Variants in CSMD1 observed in about 807,000 individuals in gnomAD.
CSMD1 encodes CUB and sushi domain-containing protein 1.
In CSMD1, 213 loss-of-function variants were observed where a neutral mutation model predicts 417.5. The ratio of observed to expected loss-of-function variants is 0.51; its 90% confidence interval spans 0.46 to 0.57. The LOEUF (loss-of-function observed/expected upper bound fraction) is 0.57. Among genes scored for constraint, CSMD1 ranks in the 20% least tolerant of loss-of-function variants. The pLI is 0.00. For synonymous variants in CSMD1, 2,862 were observed against 1,736.8 expected (o/e 1.65, Z -16.11); for missense variants, 6,923 against 4,529.7 (o/e 1.53, Z -15.17).
intron 1 of CSMD1, among the ~76,000 whole-genome samples, chr8:4,750,388 C>G (rs539105519): frequency 1.3e-5 from 2 of 152,238 alleles, no homozygotes; most frequent in Non-Finnish European, 2.9e-5. Flanking sequence ...TTAGGGTTAT[C>G]AAGATTCAAT....
At chr8:3,815,150 A>T (rs1415048167) in intron 5 of CSMD1, among the ~76,000 whole-genome samples, 3 of 152,190 alleles carry the variant, frequency 2.0e-5, no homozygotes, top group African/African-American at 7.2e-5. Context: ...TCTCCCAGAT[A>T]TAGGGTGAGA....
At chr8:4,247,802 C>T (rs1191312320) in intron 3 of CSMD1, among the ~76,000 whole-genome samples, 2 of 152,186 alleles carry the variant, frequency 1.3e-5, no homozygotes, top group East Asian at 3.9e-4. Context: ...CTGTGGGAGC[C>T]AAAGCAAGTG....
At chr8:3,288,434 T>A (rs1233111005) in intron 25 of CSMD1, among the ~76,000 whole-genome samples, 2 of 147,124 alleles carry the variant, frequency 1.4e-5, no homozygotes, top group Non-Finnish European at 2.9e-5. Flanking sequence ...GGTCCTGGAC[T>A]TTTTTTGGTT....
At chr8:4,301,364 C>A (rs1053581367) in intron 3 of CSMD1, among the ~76,000 whole-genome samples, 38 of 152,192 alleles carry the variant, frequency 2.5e-4, no homozygotes, top group African/African-American at 8.4e-4. Context: ...TGTACCACTT[C>A]CAGCCCTTGG....
chr8:4,470,811 G>A (rs747298898), intron 2 of CSMD1, among the ~76,000 whole-genome samples: 6 of 152,114 alleles, frequency 3.9e-5, no homozygotes, highest in Non-Finnish European at 8.8e-5. Context: ...CATTCTTACA[G>A]GTTATCTGAA....
intron 8 of CSMD1, among the ~76,000 whole-genome samples, chr8:3,591,913 G>C (rs1001519651): frequency 2.6e-5 from 4 of 151,982 alleles, no homozygotes; most frequent in Non-Finnish European, 5.9e-5. Flanking sequence ...GGAATATATG[G>C]ATTAGACAGA....
intron 23 of CSMD1, among the ~76,000 whole-genome samples, chr8:3,312,844 C>T (rs539175194): frequency 8.5e-5 from 13 of 152,264 alleles, no homozygotes; most frequent in African/African-American, 2.9e-4. Context: ...ACTTTGACCC[C>T]TAGGCTGTTA....
At chr8:4,786,926 A>C (rs552753459) in intron 1 of CSMD1, among the ~76,000 whole-genome samples, 2 of 152,344 alleles carry the variant, frequency 1.3e-5, no homozygotes, top group East Asian at 3.9e-4. Flanking sequence ...TACTTCATTT[A>C]AAAGGCACTT....
chr8:4,115,615 T>G (rs773787556), intron 3 of CSMD1, among the ~76,000 whole-genome samples: 1 of 152,200 alleles, frequency 6.6e-6, no homozygotes, highest in South Asian at 2.1e-4. Flanking sequence ...ATATACGTGA[T>G]CAAACTCCAC....
At chr8:3,841,668 G>T (rs147170926) in intron 5 of CSMD1, among the ~76,000 whole-genome samples, 1 of 151,978 alleles carries the variant, frequency 6.6e-6, no homozygotes, top group Admixed American at 6.6e-5. Flanking sequence ...AAAAAACCAT[G>T]AATATGATTC....
At chr8:4,701,453 G>A (rs775994946) in intron 1 of CSMD1, among the ~76,000 whole-genome samples, 1 of 151,828 alleles carries the variant, frequency 6.6e-6, no homozygotes, top group Non-Finnish European at 1.5e-5. Context: ...GATGGGGAGG[G>A]GCCATGCACA....
At chr8:4,260,623 G>C (rs889417127) in intron 3 of CSMD1, among the ~76,000 whole-genome samples, 1 of 152,094 alleles carries the variant, frequency 6.6e-6, no homozygotes, top group Admixed American at 6.5e-5. Flanking sequence ...TTAGAATTTT[G>C]ATATTATTCA....
intron 1 of CSMD1, among the ~76,000 whole-genome samples, chr8:4,748,827 G>A (rs568151560): frequency 9.9e-5 from 15 of 152,120 alleles, no homozygotes; most frequent in Non-Finnish European, 1.9e-4. Flanking sequence ...ATGCCCCTTC[G>A]GGAGAGTTCA....
chr8:4,243,296 G>T (rs1008758591), intron 3 of CSMD1, among the ~76,000 whole-genome samples: 2 of 152,036 alleles, frequency 1.3e-5, no homozygotes, highest in African/African-American at 4.8e-5. Context: ...TGAATTTCAT[G>T]GTAAAGGCTC....
At chr8:4,470,406 C>A (rs1200986799) in intron 2 of CSMD1, among the ~76,000 whole-genome samples, 1 of 152,174 alleles carries the variant, frequency 6.6e-6, no homozygotes, top group African/African-American at 2.4e-5. Flanking sequence ...GAATTATCAC[C>A]TGACAATTTC....
At chr8:3,955,654 C>T (rs1249352814) in intron 5 of CSMD1, among the ~76,000 whole-genome samples, 2 of 152,106 alleles carry the variant, frequency 1.3e-5, no homozygotes, top group Admixed American at 6.5e-5. Flanking sequence ...TCCTCTTTCA[C>T]CGATTCTAAA....
intron 3 of CSMD1, among the ~76,000 whole-genome samples, chr8:4,090,906 G>T (rs949655460): frequency 6.6e-6 from 1 of 151,286 alleles, no homozygotes; most frequent in South Asian, 2.1e-4. Flanking sequence ...AACATAAGGG[G>T]CAGTCTTTTT....
At chr8:4,671,826 A>G (rs1373936483) in intron 1 of CSMD1, among the ~76,000 whole-genome samples, 1 of 152,148 alleles carries the variant, frequency 6.6e-6, no homozygotes, top group Non-Finnish European at 1.5e-5. Context: ...CGAAAAACTT[A>G]CGTTTGAGGA....
At chr8:4,305,427 T>C (rs1203446455) in intron 3 of CSMD1, among the ~76,000 whole-genome samples, 4 of 152,120 alleles carry the variant, frequency 2.6e-5, no homozygotes, top group Admixed American at 2.6e-4. Context: ...AAAGGGATAA[T>C]CGACTAAAAG....
Sources: allele counts gnomAD v4.1 joint callset (sites outside exome capture counted in the v4.1 genomes callset), GRCh38; gene constraint gnomAD v4.1.1; transcripts MANE v1.5; gene names NCBI Gene and HGNC (gene_info 2026-07-23, HGNC 2026-07-21).